MAN1B1: variants seen among roughly 807,000 people sequenced by gnomAD.
MAN1B1 encodes the protein mannosidase alpha class 1B member 1, also known as endoplasmic reticulum mannosyl-oligosaccharide 1,2-alpha-mannosidase.
A neutral mutation model predicts 75.5 loss-of-function variants in MAN1B1; 66 were observed. The observed-to-expected ratio is 0.87, with a 90% CI of 0.72 to 1.07. The LOEUF is 1.07. Ranked by LOEUF, MAN1B1 falls within the 50% of genes least tolerant of loss-of-function variation. The probability of loss-of-function intolerance (pLI) is 0.00; values close to 1 mark genes in which losing one functional copy is unlikely to be tolerated. For synonymous variants in MAN1B1, 453 were observed against 382.8 expected (o/e 1.18, Z -2.14); for missense variants, 973 against 912.5 (o/e 1.07, Z -0.85).
chr9:137,087,562 C>T (rs372064773), intron 1 of MAN1B1: 37 of 542,466 alleles, frequency 6.8e-5, no homozygotes, highest in African/African-American at 6.2e-4. Context: ...TGTATGCTCC[C>T]CTCGGTACAG....
chr9:137,099,954 C>T, intron 6 of MAN1B1, 73 bp downstream of exon 6: 1 of 1,553,294 alleles, frequency 6.4e-7, no homozygotes, highest in South Asian at 1.1e-5. Context: ...GTGTGGGTTG[C>T]ACACGGGGTG....
At chr9:137,104,658 C>G (rs1202305328) in intron 8 of MAN1B1, 1 of 169,178 alleles carries the variant, frequency 5.9e-6, no homozygotes, top group East Asian at 1.5e-4. Flanking sequence ...TTGTTTAATC[C>G]TCTCTCCTCT....
At chr9:137,103,067 A>G (rs1184406342) in intron 8 of MAN1B1, 3 of 154,712 alleles carry the variant, frequency 1.9e-5, no homozygotes, top group Non-Finnish European at 3.9e-5. Context: ...GGTTGGTGTT[A>G]CACACATTCA....
At chr9:137,106,514 G>T (rs954060061) in intron 9 of MAN1B1, 175 bp from the exon 10 acceptor site, 19 of 1,097,252 alleles carry the variant, frequency 1.7e-5, no homozygotes, top group Admixed American at 2.0e-5. Context: ...GTGGCCTCTG[G>T]GGGGGTGAGG....
At chr9:137,096,512 G>C (rs1830657081) in intron 4 of MAN1B1, 121 bp downstream of exon 4, 1 of 1,327,458 alleles carries the variant, frequency 7.5e-7, no homozygotes, top group Non-Finnish European at 1.1e-6. Flanking sequence ...TGTATGCTCT[G>C]TAATCTGTCC....
rs1831193877 is a variant in MAN1B1, at chr9:137,108,377, C to T, written c.1897-11C>T. The T allele has an allele frequency of 6.2e-7, 1 of 1,612,558 alleles. No individual in the cohort carries two copies. Among genetic ancestry groups the T allele is most frequent in the African/African-American group, 1.3e-5 (1 of 74,904 alleles). On this transcript the variant is annotated splice_polypyrimidine_tract_variant and intron_variant, in intron 12 of 12. Transcript: ENST00000371589. ...CCCCCGTGTGGTGACGAGGCCCTGGCTGCTGCACAGGTCCCCTCGGGTGGC... is the reference window on the plus strand; with the variant it reads ...CCCCCGTGTGGTGACGAGGCCCTGGTTGCTGCACAGGTCCCCTCGGGTGGC...
intron 9 of MAN1B1, 96 bp downstream of exon 9, chr9:137,106,411 C>T: frequency 8.4e-7 from 1 of 1,188,852 alleles, no homozygotes; most frequent in Non-Finnish European, 1.2e-6. Context: ...CCCGCTCCTG[C>T]TGCCCCCCGC....
intron 8 of MAN1B1, chr9:137,103,970 C>G: frequency 6.8e-6 from 3 of 442,584 alleles, no homozygotes; most frequent in Non-Finnish European, 1.4e-5. Context: ...GTTGCACATT[C>G]ATGCTGTTGC....
chr9:137,092,428 G>A (rs1830540658), intron 3 of MAN1B1, among the ~76,000 whole-genome samples: 2 of 152,076 alleles, frequency 1.3e-5, no homozygotes, highest in South Asian at 2.1e-4. Flanking sequence ...GGATACACAC[G>A]TGTGTACGTA....
rs539621060 is a variant in MAN1B1, at chr9:137,109,156, G to A, written c.*565G>A. On this transcript the variant is annotated 3_prime_UTR_variant, in exon 13 of 13. Coordinates refer to ENST00000371589, the MANE Select transcript of MAN1B1 (RefSeq NM_016219.5). ...CCCCTCCAGTGGAATGGGTCTTTTC[G>A]GTGGAGATAAAAGTTGATTTGCTCT... is the stretch of plus-strand genomic sequence containing the variant. 3.7e-5 allele frequency: 17 copies of A among 454,608 alleles called. No homozygotes were observed. The highest frequency in any genetic ancestry group is 1.2e-4 in the African/African-American group (6 of 50,140). 28.2% of individuals were successfully genotyped at this position (454,608 alleles called of 1,614,324 possible).
At chr9:137,102,947 G>C (rs1174427754) in intron 8 of MAN1B1, 23 of 399,744 alleles carry the variant, frequency 5.8e-5, no homozygotes, top group Non-Finnish European at 7.3e-5. Flanking sequence ...CAGGTCGGTG[G>C]TGTTACACAC....
In MAN1B1 at chr9:137,108,768, G is replaced by A. The variant is rs776344252; in HGVS notation, c.*177G>A. The A allele has an allele frequency of 2.0e-5, 14 of 716,212 alleles. No homozygotes were observed. Among genetic ancestry groups the A allele is most frequent in the African/African-American group, 1.2e-4 (7 of 57,436 alleles). The allele number at this position is 716,212 out of a possible 1,614,324, so 44.4% of individuals were successfully genotyped here. ...GGACACCGTGAGGACAAGTGAGGCCGTCAGTCTTGGTGTGATGCGGGGTGG... is the reference window on the plus strand; with the variant it reads ...GGACACCGTGAGGACAAGTGAGGCCATCAGTCTTGGTGTGATGCGGGGTGG... On this transcript the variant is annotated 3_prime_UTR_variant, in exon 13 of 13. Coordinates refer to ENST00000371589, the MANE Select transcript of MAN1B1 (RefSeq NM_016219.5).
intron 6 of MAN1B1, among the ~76,000 whole-genome samples, chr9:137,100,478 C>G (rs1308724405): frequency 6.6e-6 from 1 of 152,134 alleles, no homozygotes; most frequent in South Asian, 2.1e-4. Flanking sequence ...TATTGAAGCC[C>G]TGCAGGGGAA....
chr9:137,105,680 AG>A (rs1237970626), intron 8 of MAN1B1: 7 of 338,814 alleles, frequency 2.1e-5, no homozygotes, highest in African/African-American at 1.5e-4. Flanking sequence ...GATGAGTAGG[AG>A]CTCACCAGGA....
chr9:137,101,701 C>T (rs376314527), intron 8 of MAN1B1, 29 bp downstream of exon 8: 26 of 1,600,260 alleles, frequency 1.6e-5, no homozygotes, highest in African/African-American at 6.7e-5. Context: ...TGGCTGGATG[C>T]GCCTCCCCTG....
intron 12 of MAN1B1, 179 bp downstream of exon 12, chr9:137,107,841 C>T (rs1266591548): frequency 2.6e-6 from 2 of 783,528 alleles, no homozygotes; most frequent in East Asian, 2.7e-5. Context: ...ATCCCCATCC[C>T]CACTGAGCTT....
At position 137,101,138 on chromosome 9, in the gene MAN1B1, C is replaced by T; in HGVS notation, c.1050C>T (p.Leu350=). The T allele has an allele frequency of 3.1e-6, 5 of 1,614,034 alleles. No homozygotes were observed. Among genetic ancestry groups the T allele is most frequent in the Middle Eastern group, 1.7e-4 (1 of 5,968 alleles). ...LSAYHLSGDS[L]FLRKAEDFGN... The stretch of plus-strand genomic sequence containing the variant: ...CCTACCACCTGTCTGGGGACAGCCT[C>T]TTCCTGAGGAAAGCTGTAAGTGTCT... Residue 350 remains leucine, a synonymous_variant, in exon 7 of 13, where the codon CTC becomes CTT. Coordinates refer to ENST00000371589, the MANE Select transcript of MAN1B1 (RefSeq NM_016219.5).
At chr9:137,093,524 T>C (rs1390125261) in intron 3 of MAN1B1, among the ~76,000 whole-genome samples, 5 of 152,046 alleles carry the variant, frequency 3.3e-5, no homozygotes, top group Non-Finnish European at 7.4e-5. Context: ...CCTAAATAAG[T>C]AGACATTTTA....
At position 137,097,837 on chromosome 9, in the gene MAN1B1, A is replaced by C. The variant is rs757786698; in HGVS notation, c.630A>C (p.Gly210=). ...DPQRTVISWR[G]AVIEPEQGTE... ...TCCTTCTCCCCCGAAGCTGGAGGGG[A>C]GCGGTGATCGAGCCTGAGCAGGGCA... Residue 210 remains glycine (G), a synonymous_variant, in exon 5 of 13, where the codon GGA becomes GGC. Transcript: ENST00000371589. The C allele has an allele frequency of 3.3e-5, 52 of 1,553,816 alleles. No individual in the cohort carries two copies. In the East Asian group the frequency reaches 1.3e-3, roughly 38 times the overall value.
Sources: gnomAD v4.1 joint callset for allele counts (sites outside exome capture counted in the v4.1 genomes callset) on GRCh38, gnomAD v4.1.1 for gene constraint, MANE v1.5 for transcripts, NCBI Gene and HGNC (gene_info 2026-07-23, HGNC 2026-07-21) for gene names.